The following MICU2 variants were observed in gnomAD, a reference collection of about 807,000 sequenced individuals.
MICU2 encodes mitochondrial calcium uptake 2, also known as calcium uptake protein 2, mitochondrial.
Under a neutral mutation model 60.4 loss-of-function variants are expected in MICU2, and 64 were observed. The observed-to-expected ratio is 1.06, with a 90% confidence interval of 0.87 to 1.31. MICU2 has a LOEUF of 1.31. Ranked by LOEUF, MICU2 falls within the 50% of genes most tolerant of loss-of-function variation. The pLI, the probability that MICU2 is intolerant of heterozygous loss-of-function variation, is 0.00. For missense variants in MICU2, 569 were observed against 531.0 expected (o/e 1.07, Z -0.70); for synonymous variants, 201 against 175.0 (o/e 1.15, Z -1.17).
chr13:21,511,366 A>G (rs1442612555), intron 7 of MICU2, among the ~76,000 whole-genome samples: 1 of 152,222 alleles, frequency 6.6e-6, no homozygotes, highest in Non-Finnish European at 1.5e-5. Context: ...ATACAAAGAC[A>G]CTGTAGCAAG....
intron 9 of MICU2, among the ~76,000 whole-genome samples, chr13:21,501,313 A>G (rs1286930699): frequency 6.6e-6 from 1 of 151,554 alleles, no homozygotes; most frequent in Non-Finnish European, 1.5e-5. Flanking sequence ...CCCAGGCTGG[A>G]GTGCAGTGGC....
At chr13:21,528,624 T>C (rs116888270) in intron 4 of MICU2, among the ~76,000 whole-genome samples, 25 of 152,352 alleles carry the variant, frequency 1.6e-4, no homozygotes, top group Non-Finnish European at 3.1e-4. Context: ...TCAAAAACAA[T>C]TTATTAAGCA....
At chr13:21,537,434 G>A (rs758678952) in intron 4 of MICU2, among the ~76,000 whole-genome samples, 4 of 150,890 alleles carry the variant, frequency 2.7e-5, no homozygotes, top group Non-Finnish European at 2.9e-5. Context: ...TCTCCATAAA[G>A]CTCAGACCTA....
chr13:21,586,463 AACGGTGTG>A (rs1378012310), intron 1 of MICU2, among the ~76,000 whole-genome samples: 6 of 152,136 alleles, frequency 3.9e-5, no homozygotes, highest in Admixed American at 3.9e-4. Flanking sequence ...GCTAGAATGT[AACGGTGTG>A]ATCATGGTTC....
At chr13:21,569,446 G>A (rs1001278321) in intron 1 of MICU2, among the ~76,000 whole-genome samples, 5 of 151,942 alleles carry the variant, frequency 3.3e-5, no homozygotes, top group South Asian at 2.1e-4. Flanking sequence ...TCATCACCAC[G>A]GCAGATTGTA....
At chr13:21,530,774 C>T (rs552281157) in intron 4 of MICU2, 176 of 645,644 alleles carry the variant, frequency 2.7e-4, no homozygotes, top group Non-Finnish European at 4.4e-4. Context: ...CCCACCACCG[C>T]CCCAGCAGCA....
chr13:21,514,585 G>A (rs1251061538), intron 6 of MICU2, among the ~76,000 whole-genome samples, 167 bp from the exon 7 acceptor site: 1 of 151,854 alleles, frequency 6.6e-6, no homozygotes, highest in Non-Finnish European at 1.5e-5. Flanking sequence ...CCAGGCTGGA[G>A]TGCAGTGGCG....
intron 4 of MICU2, among the ~76,000 whole-genome samples, chr13:21,532,702 T>C (rs1887030935): frequency 6.6e-6 from 1 of 152,208 alleles, no homozygotes; most frequent in African/African-American, 2.4e-5. Context: ...GTAGATAATA[T>C]ATCAAATACT....
chr13:21,582,194 A>T (rs558225626), intron 1 of MICU2, among the ~76,000 whole-genome samples: 8 of 152,338 alleles, frequency 5.3e-5, no homozygotes, highest in African/African-American at 1.9e-4. Context: ...TGGACAGCTT[A>T]CTTTCCCTCT....
intron 9 of MICU2, 107 bp from the exon 10 acceptor site, chr13:21,496,267 G>GATACT: frequency 1.2e-6 from 1 of 804,542 alleles, no homozygotes. Flanking sequence ...ATCATTCTAA[G>GATACT]AGGAAGAGAC....
chr13:21,524,572 T>C (rs1270683826), intron 4 of MICU2, among the ~76,000 whole-genome samples: 1 of 152,236 alleles, frequency 6.6e-6, no homozygotes. Flanking sequence ...AGTCCTTACA[T>C]TGCACTTGGT....
intron 1 of MICU2, among the ~76,000 whole-genome samples, chr13:21,602,287 C>T (rs1157914133): frequency 2.6e-5 from 4 of 151,822 alleles, no homozygotes; most frequent in Non-Finnish European, 5.9e-5. Flanking sequence ...CTTAGGGAGG[C>T]CAAGGCGGGC....
rs1566155320 is a variant in MICU2 at position 21,546,052 on chromosome 13, C to CTCA, written c.359-6365_359-6364insTGA. 3.9e-5 allele frequency among the ~76,000 whole-genome samples: 6 copies of CTCA among 152,128 alleles called. No individual in the cohort carries two copies. In the South Asian group the frequency reaches 1.2e-3, roughly 32 times the overall value. The stretch of plus-strand genomic sequence containing the variant: ...AGTTAAAAAAAATCAATAAATAAAA[C>CTCA]ATTTTAAGTGGTAACTGAAGAAAAA... On this transcript the variant is annotated intron_variant, in intron 2 of 11. Transcript: ENST00000382374.
At chr13:21,581,253 G>A (rs1459335018) in intron 1 of MICU2, among the ~76,000 whole-genome samples, 1 of 152,134 alleles carries the variant, frequency 6.6e-6, no homozygotes, top group Non-Finnish European at 1.5e-5. Context: ...GAGTAGCTGG[G>A]ATTACAGGCA....
chr13:21,508,589 A>G (rs1464519674), intron 8 of MICU2, among the ~76,000 whole-genome samples: 1 of 152,190 alleles, frequency 6.6e-6, no homozygotes, highest in Non-Finnish European at 1.5e-5. Flanking sequence ...CCTCTATCTT[A>G]TGGTGTATAA....
At chr13:21,523,824 T>C (rs1273949755) in intron 4 of MICU2, among the ~76,000 whole-genome samples, 5 of 152,242 alleles carry the variant, frequency 3.3e-5, no homozygotes, top group African/African-American at 9.6e-5. Flanking sequence ...CACATTTTTA[T>C]TTTGTGCTGG....
chr13:21,584,700 T>G (rs1222570738), intron 1 of MICU2, among the ~76,000 whole-genome samples: 1 of 152,164 alleles, frequency 6.6e-6, no homozygotes, highest in African/African-American at 2.4e-5. Context: ...CTGAAAACAT[T>G]TAATAATGTT....
chr13:21,534,805 A>G (rs1258636690), intron 4 of MICU2, among the ~76,000 whole-genome samples: 1 of 152,230 alleles, frequency 6.6e-6, no homozygotes, highest in African/African-American at 2.4e-5. Context: ...CTTAATTAAG[A>G]AAGATTAGAA....
At chr13:21,598,514 G>A (rs930520464) in intron 1 of MICU2, among the ~76,000 whole-genome samples, 1 of 152,048 alleles carries the variant, frequency 6.6e-6, no homozygotes, top group African/African-American at 2.4e-5. Context: ...TCAAGAGTTC[G>A]AGACCAGCCT....
Sources: gnomAD v4.1 joint callset for allele counts (sites outside exome capture counted in the v4.1 genomes callset) on GRCh38, gnomAD v4.1.1 for gene constraint, MANE v1.5 for transcripts, NCBI Gene and HGNC (gene_info 2026-07-23, HGNC 2026-07-21) for gene names.